The following RPS6KC1 variants were observed in gnomAD, a reference collection of about 807,000 sequenced individuals.
RPS6KC1 encodes the protein ribosomal protein S6 kinase C1, also known as inactive ribosomal protein S6 kinase delta-1.
In RPS6KC1, 54 loss-of-function variants were observed where a neutral mutation model predicts 103.8. The ratio of observed to expected loss-of-function variants is 0.52; its 90% CI spans 0.42 to 0.65. The LOEUF is 0.65. Among genes scored for constraint, RPS6KC1 ranks in the 30% least tolerant of loss-of-function variants. RPS6KC1 has a pLI of 0.00. For missense variants in RPS6KC1, 1,151 were observed against 1,253.8 expected, an observed-to-expected ratio of 0.92 and a Z score of 1.24; for synonymous variants, 439 against 438.7, an observed-to-expected ratio of 1.00 and a Z score of -0.01.
At chr1:213,428,365 CCCTTCCTCTCTTCTTTTTTA>C in the RPS6KC1 span, among the ~76,000 whole-genome samples, 1 of 151,908 alleles carries the variant, frequency 6.6e-6, no homozygotes, top group Non-Finnish European at 1.5e-5. Flanking sequence ...CCCTTCCTTT[CCCTTCCTCTCTTCTTTTTTA>C]CCTCCCTCTC....
chr1:213,760,020 A>G, the RPS6KC1 span, among the ~76,000 whole-genome samples: 1 of 152,132 alleles, frequency 6.6e-6, no homozygotes, highest in Non-Finnish European at 1.5e-5. Context: ...CTGCAATGTC[A>G]TCCATGTTTA....
chr1:213,835,823 T>C, the RPS6KC1 span: 1 of 152,200 alleles, frequency 6.6e-6, no homozygotes, highest in Non-Finnish European at 1.5e-5. Flanking sequence ...ATGAAGAGTC[T>C]ATGAGCTCTT....
intron 8 of RPS6KC1, among the ~76,000 whole-genome samples, chr1:213,218,687 A>C (rs1033496195): frequency 6.6e-6 from 1 of 152,222 alleles, no homozygotes; most frequent in African/African-American, 2.4e-5. Flanking sequence ...AGACCAATGG[A>C]ACAGAACAGA....
chr1:213,832,728 G>A, the RPS6KC1 span: 2 of 152,198 alleles, frequency 1.3e-5, no homozygotes, highest in African/African-American at 4.8e-5. Context: ...GCAGTACTTA[G>A]AAAAAGCATA....
chr1:213,610,294 AAGG>A, the RPS6KC1 span, among the ~76,000 whole-genome samples: 1 of 152,226 alleles, frequency 6.6e-6, no homozygotes, highest in Non-Finnish European at 1.5e-5. Flanking sequence ...GGCCTGAAGA[AAGG>A]AGAAGTGATG....
At chr1:213,249,795 G>A (rs35402633) in intron 12 of RPS6KC1, among the ~76,000 whole-genome samples, 15 of 152,230 alleles carry the variant, frequency 9.9e-5, no homozygotes, top group Middle Eastern at 6.8e-3. Context: ...GTAGTTACTC[G>A]TTTCTTATTT....
chr1:213,081,475 C>A (rs992309375), intron 3 of RPS6KC1, among the ~76,000 whole-genome samples: 1 of 152,040 alleles, frequency 6.6e-6, no homozygotes, highest in Non-Finnish European at 1.5e-5. Flanking sequence ...CCAGGCCTCA[C>A]CTTGAACGTT....
At chr1:213,089,464 TG>T (rs2080758798) in intron 3 of RPS6KC1, among the ~76,000 whole-genome samples, 1 of 150,712 alleles carries the variant, frequency 6.6e-6, no homozygotes. Context: ...TTTTGCTGTT[TG>T]TTTTTTTTTT....
the RPS6KC1 span, among the ~76,000 whole-genome samples, chr1:213,545,371 C>CAAATAAATAAATAAATAAATAAATAAAT: frequency 8.4e-6 from 1 of 119,624 alleles, no homozygotes; most frequent in Non-Finnish European, 1.7e-5. Flanking sequence ...AACTCTGTCT[C>CAAATAAATAAATAAATAAATAAATAAAT]AAATAAATAA....
intron 8 of RPS6KC1, among the ~76,000 whole-genome samples, chr1:213,189,061 A>G (rs2092650749): frequency 6.6e-6 from 1 of 152,198 alleles, no homozygotes; most frequent in Non-Finnish European, 1.5e-5. Flanking sequence ...AATATGGCTA[A>G]TTGATTTTTG....
chr1:213,738,846 A>AAATC, the RPS6KC1 span, among the ~76,000 whole-genome samples: 899 of 38,528 alleles, frequency 0.023, 16 homozygotes, highest in African/African-American at 0.06. Flanking sequence ...AAAAATAAAT[A>AAATC]AATAAATAAA....
chr1:213,327,236 A>AAAGAAAGAAAGAAAGAAAGAAAG, the RPS6KC1 span, among the ~76,000 whole-genome samples: 1 of 144,586 alleles, frequency 6.9e-6, no homozygotes, highest in African/African-American at 2.6e-5. Flanking sequence ...GAAAGAAAAG[A>AAAGAAAGAAAGAAAGAAAGAAAG]AAAGAAAGAA....
At chr1:213,443,789 A>C in the RPS6KC1 span, among the ~76,000 whole-genome samples, 2 of 152,090 alleles carry the variant, frequency 1.3e-5, no homozygotes, top group Non-Finnish European at 2.9e-5. Flanking sequence ...GTGGTGGTGC[A>C]TGCCTATAGT....
At chr1:213,548,444 C>T in the RPS6KC1 span, among the ~76,000 whole-genome samples, 16 of 152,126 alleles carry the variant, frequency 1.1e-4, no homozygotes, top group Non-Finnish European at 2.1e-4. Context: ...AGGCGGATCA[C>T]GAGGTCAAGA....
At chr1:213,188,216 GGA>G (rs2092611048) in intron 8 of RPS6KC1, among the ~76,000 whole-genome samples, 1 of 151,926 alleles carries the variant, frequency 6.6e-6, no homozygotes, top group East Asian at 1.9e-4. Flanking sequence ...ATTAAGGTGG[GGA>G]CAAGTCTCCT....
At chr1:213,843,081 A>G in the RPS6KC1 span, among the ~76,000 whole-genome samples, 4 of 152,190 alleles carry the variant, frequency 2.6e-5, no homozygotes, top group African/African-American at 9.7e-5. Context: ...CTACAGGCTG[A>G]AAACTTAGGC....
chr1:213,804,702 C>G, the RPS6KC1 span, among the ~76,000 whole-genome samples: 1 of 152,200 alleles, frequency 6.6e-6, no homozygotes, highest in African/African-American at 2.4e-5. Context: ...AGGATAAGAT[C>G]TTACTCCGTT....
intron 12 of RPS6KC1, among the ~76,000 whole-genome samples, chr1:213,243,913 A>G (rs1393070107): frequency 2.0e-5 from 3 of 152,194 alleles, no homozygotes; most frequent in Non-Finnish European, 4.4e-5. Flanking sequence ...TCTAGTTACA[A>G]CTTTCATTGT....
the RPS6KC1 span, among the ~76,000 whole-genome samples, chr1:213,562,705 C>T: frequency 1.3e-5 from 2 of 151,620 alleles, no homozygotes; most frequent in African/African-American, 4.9e-5. Context: ...ACTCTGTCAC[C>T]CTGGCTCAGG....
Sources: allele counts gnomAD v4.1 joint callset (sites outside exome capture counted in the v4.1 genomes callset), GRCh38; gene constraint gnomAD v4.1.1; transcripts MANE v1.5; gene names NCBI Gene and HGNC (gene_info 2026-07-23, HGNC 2026-07-21).